The following CCSER1 variants were observed in gnomAD, a reference collection of about 807,000 sequenced individuals.
CCSER1 encodes the protein coiled-coil serine rich protein 1.
A neutral mutation model predicts 82.0 loss-of-function variants in CCSER1; 41 were observed. The observed-to-expected ratio is 0.50, with a 90% CI of 0.39 to 0.65. The LOEUF (loss-of-function observed/expected upper bound fraction) is 0.65, where lower values mean the gene tolerates loss of function less well. Ranked by LOEUF, CCSER1 falls within the 30% of genes least tolerant of loss-of-function variation. CCSER1 has a pLI of 0.00. For missense variants in CCSER1, 1,119 were observed against 1,064.2 expected, an observed-to-expected ratio of 1.05 and a Z score of -0.72; for synonymous variants, 414 against 383.9, an observed-to-expected ratio of 1.08 and a Z score of -0.92.
At chr4:90,895,867 CAT>C (rs1205115003) in intron 8 of CCSER1, among the ~76,000 whole-genome samples, 2 of 151,816 alleles carry the variant, frequency 1.3e-5, no homozygotes, top group African/African-American at 4.8e-5. Context: ...GTATTTCAAA[CAT>C]ATGTTGAATT....
intron 8 of CCSER1, among the ~76,000 whole-genome samples, chr4:90,887,024 T>C: frequency 6.6e-6 from 1 of 152,060 alleles, no homozygotes; most frequent in Admixed American, 6.6e-5. Flanking sequence ...GGGAAGGAGA[T>C]TTATACACAC....
chr4:90,896,467 A>G, intron 8 of CCSER1, among the ~76,000 whole-genome samples: 1 of 152,004 alleles, frequency 6.6e-6, no homozygotes. Context: ...TGGCATCACG[A>G]ATATTTTGGT....
At chr4:91,496,785 ATTGAATATATAT>A (rs1226859094) in intron 10 of CCSER1, among the ~76,000 whole-genome samples, 2 of 87,764 alleles carry the variant, frequency 2.3e-5, no homozygotes, top group Non-Finnish European at 4.6e-5. Flanking sequence ...TTGAATATAT[ATTGAATATATAT>A]TTGAATATAT....
At chr4:91,163,059 G>A (rs565045801) in intron 10 of CCSER1, among the ~76,000 whole-genome samples, 2 of 152,208 alleles carry the variant, frequency 1.3e-5, no homozygotes, top group South Asian at 2.1e-4. Flanking sequence ...GCTTTCTCTT[G>A]TGGGCATTTA....
intron 6 of CCSER1, among the ~76,000 whole-genome samples, chr4:90,700,361 G>A (rs1580005316): frequency 6.6e-6 from 1 of 152,176 alleles, no homozygotes; most frequent in East Asian, 1.9e-4. Context: ...GTATATATGT[G>A]CCACATTTTC....
intron 5 of CCSER1, among the ~76,000 whole-genome samples, chr4:90,602,834 C>G (rs1378216910): frequency 6.6e-6 from 1 of 152,156 alleles, no homozygotes; most frequent in Non-Finnish European, 1.5e-5. Flanking sequence ...AGACTGATAA[C>G]AAACCTTCCC....
At chr4:90,828,980 C>G (rs576275692) in intron 8 of CCSER1, among the ~76,000 whole-genome samples, 1 of 152,066 alleles carries the variant, frequency 6.6e-6, no homozygotes, top group African/African-American at 2.4e-5. Context: ...AGATGCCAAA[C>G]AAGCATGTGG....
chr4:90,964,065 C>G (rs947826208), intron 9 of CCSER1, among the ~76,000 whole-genome samples: 20 of 152,070 alleles, frequency 1.3e-4, no homozygotes, highest in Admixed American at 1.3e-3. Flanking sequence ...TTGTGGAGAG[C>G]AAATTATATA....
chr4:90,560,006 C>G (rs553841166), intron 5 of CCSER1, among the ~76,000 whole-genome samples: 79 of 151,798 alleles, frequency 5.2e-4, no homozygotes, highest in African/African-American at 1.9e-3. Flanking sequence ...GGACTGACAG[C>G]TGAAGCTTTT....
chr4:90,271,878 TTTTTTTTTTTTTA>T (rs1335859563), intron 1 of CCSER1, among the ~76,000 whole-genome samples: 7 of 98,730 alleles, frequency 7.1e-5, no homozygotes, highest in Admixed American at 5.5e-4. Context: ...TTTTTTTTTT[TTTTTTTTTTTTTA>T]AAAGGAGGTT....
chr4:91,582,511 A>T (rs1763780989), intron 10 of CCSER1, among the ~76,000 whole-genome samples: 1 of 151,572 alleles, frequency 6.6e-6, no homozygotes. Flanking sequence ...TAATAAACTC[A>T]AGGAGATATG....
intron 1 of CCSER1, among the ~76,000 whole-genome samples, chr4:90,171,702 G>A (rs971590167): frequency 6.6e-6 from 1 of 151,766 alleles, no homozygotes; most frequent in Non-Finnish European, 1.5e-5. Context: ...AATGAGCAAC[G>A]GTGTACCCTG....
At chr4:90,907,472 G>A (rs185347041) in intron 8 of CCSER1, among the ~76,000 whole-genome samples, 21 of 152,108 alleles carry the variant, frequency 1.4e-4, no homozygotes, top group Non-Finnish European at 2.1e-4. Flanking sequence ...TCAAAAAATC[G>A]TCATCCTTTG....
At chr4:90,626,953 G>T (rs1723403256) in intron 5 of CCSER1, among the ~76,000 whole-genome samples, 1 of 152,108 alleles carries the variant, frequency 6.6e-6, no homozygotes, top group Admixed American at 6.6e-5. Context: ...TTAACTCCAA[G>T]AAAAGTTACT....
At chr4:90,579,721 A>T (rs1353445370) in intron 5 of CCSER1, among the ~76,000 whole-genome samples, 1 of 152,182 alleles carries the variant, frequency 6.6e-6, no homozygotes, top group Non-Finnish European at 1.5e-5. Context: ...TCATTTTATA[A>T]ATCTTTGAAA....
intron 8 of CCSER1, among the ~76,000 whole-genome samples, chr4:90,896,536 A>T (rs996897260): frequency 5.9e-5 from 9 of 151,964 alleles, no homozygotes; most frequent in Non-Finnish European, 1.3e-4. Context: ...GGTATAATAG[A>T]CAAATCAGAT....
chr4:90,464,391 C>T (rs1401936004), intron 4 of CCSER1, among the ~76,000 whole-genome samples: 1 of 152,164 alleles, frequency 6.6e-6, no homozygotes, highest in African/African-American at 2.4e-5. Context: ...GTTTCTCAGG[C>T]CTGAATCATC....
intron 10 of CCSER1, among the ~76,000 whole-genome samples, chr4:91,325,900 C>A (rs1528576): frequency 0.77 from 116,545 of 152,032 alleles, 45,140 homozygotes; most frequent in East Asian, 0.88. Context: ...GAAAATATTT[C>A]TTCATTGATT....
At chr4:90,249,143 C>G (rs17016701) in intron 1 of CCSER1, among the ~76,000 whole-genome samples, 24,704 of 152,028 alleles carry the variant, frequency 0.16, 2,665 homozygotes, top group African/African-American at 0.3. Flanking sequence ...TATTCCACAG[C>G]CCTACTCGTA....
Sources: gnomAD v4.1 joint callset for allele counts (sites outside exome capture counted in the v4.1 genomes callset) on GRCh38, gnomAD v4.1.1 for gene constraint, MANE v1.5 for transcripts, NCBI Gene and HGNC (gene_info 2026-07-23, HGNC 2026-07-21) for gene names.